The following SNTG1 variants were observed in gnomAD, a reference collection of about 807,000 sequenced individuals.
SNTG1 encodes syntrophin gamma 1, also known as gamma-1-syntrophin.
A neutral mutation model predicts 74.7 loss-of-function variants in SNTG1; 39 were observed. The ratio of observed to expected loss-of-function variants is 0.52; its 90% CI spans 0.40 to 0.68. SNTG1 has a LOEUF of 0.68. Among genes scored for constraint, SNTG1 ranks in the 30% least tolerant of loss-of-function variants. The pLI is 0.00. For missense variants in SNTG1, 685 were observed against 609.5 expected (o/e 1.12, Z -1.30); for synonymous variants, 254 against 217.1 (o/e 1.17, Z -1.49).
intron 2 of SNTG1, among the ~76,000 whole-genome samples, chr8:50,333,834 G>A (rs974250499): frequency 6.6e-6 from 1 of 152,088 alleles, no homozygotes; most frequent in African/African-American, 2.4e-5. Context: ...AATTAAAGAA[G>A]GAATTAAGAC....
intron 15 of SNTG1, among the ~76,000 whole-genome samples, chr8:50,702,073 A>G (rs2095428035): frequency 4.6e-3 from 2 of 438 alleles, no homozygotes; most frequent in South Asian, 0.2. Flanking sequence ...CTGGTCTGGA[A>G]CTCCCCAACC....
chr8:50,659,731 G>T (rs2095207257), intron 15 of SNTG1, among the ~76,000 whole-genome samples: 1 of 151,640 alleles, frequency 6.6e-6, no homozygotes, highest in Non-Finnish European at 1.5e-5. Context: ...TGAGTGTATT[G>T]TTAGTAAAGA....
rs947689214 is a variant in SNTG1, at chr8:50,625,936, A to G, written c.850-30973A>G. Among the ~76,000 whole-genome samples, 17 of 152,188 alleles carry G rather than the reference A, an allele frequency of 1.1e-4. 1 individual carries two copies. The highest frequency in any genetic ancestry group is 1.0e-3 in the Admixed American group (16 of 15,260). ...ACTCCTTTTGGAAGATGGACACCCCATGTGTGCTTTCCTTCCCAGTGAGAC... is the reference window on the plus strand; with the variant it reads ...ACTCCTTTTGGAAGATGGACACCCCGTGTGTGCTTTCCTTCCCAGTGAGAC... On this transcript the variant is annotated intron_variant, in intron 13 of 18. Coordinates refer to ENST00000642720, the MANE Select transcript of SNTG1 (RefSeq NM_018967.5).
rs1823156711 is a variant in SNTG1, at chr8:50,088,691, C to A, written c.-102-83870C>A. On this transcript the variant is annotated intron_variant, in intron 1 of 18. Coordinates refer to ENST00000642720, the MANE Select transcript of SNTG1 (RefSeq NM_018967.5). Reference sequence around the variant, plus strand: ...GAGAATAAAATACCTAGGAATCCAACTTACAAGGGATGTGAAGGACCTCTT... The same window carrying A: ...GAGAATAAAATACCTAGGAATCCAAATTACAAGGGATGTGAAGGACCTCTT... 5.7e-5 allele frequency among the ~76,000 whole-genome samples: 8 copies of A among 139,518 alleles called. No homozygotes were observed. In the South Asian group the frequency reaches 1.6e-3, roughly 28 times the overall value. The allele number at this position is 139,518 out of a possible 152,430, so 91.5% of individuals were successfully genotyped here.
chr8:50,114,813 C>G, intron 1 of SNTG1, among the ~76,000 whole-genome samples: 1 of 151,948 alleles, frequency 6.6e-6, no homozygotes, highest in East Asian at 1.9e-4. Context: ...TGCAATGAGC[C>G]GAGATCGTGC....
intron 8 of SNTG1, among the ~76,000 whole-genome samples, chr8:50,466,728 C>T (rs1290877755): frequency 6.6e-6 from 1 of 151,950 alleles, no homozygotes; most frequent in Non-Finnish European, 1.5e-5. Context: ...TAGTTTTCCA[C>T]ATATAATTCT....
intron 1 of SNTG1, among the ~76,000 whole-genome samples, chr8:49,923,755 A>G (rs948545724): frequency 1.3e-5 from 2 of 152,190 alleles, no homozygotes; most frequent in Non-Finnish European, 2.9e-5. Context: ...TCTTTTTGTA[A>G]AGAATAAAAG....
chr8:50,145,856 A>G (rs1487753485), intron 1 of SNTG1, among the ~76,000 whole-genome samples: 1 of 151,832 alleles, frequency 6.6e-6, no homozygotes, highest in African/African-American at 2.4e-5. Context: ...TGAATAATAA[A>G]ATTCAAATAC....
rs564435957 is a variant in SNTG1 at position 50,375,992 on chromosome 8, C to T, written c.-27-18220C>T. On this transcript the variant is annotated intron_variant, in intron 2 of 18. Transcript: ENST00000642720. ...GGAAAGGCAAATAAATGGTGAAGGC[C>T]GGTTAGTAAAGGTGTTATCTCCAGG... is the stretch of plus-strand genomic sequence containing the variant. 2.6e-5 allele frequency among the ~76,000 whole-genome samples: 4 copies of T among 151,838 alleles called. No homozygotes were observed. In the East Asian group the frequency reaches 7.8e-4, roughly 29 times the overall value.
At chr8:50,730,049 G>A (rs960275515) in intron 17 of SNTG1, among the ~76,000 whole-genome samples, 5 of 152,052 alleles carry the variant, frequency 3.3e-5, no homozygotes, top group African/African-American at 4.8e-5. Context: ...AAAAATGAGA[G>A]CGATTGGGAA....
chr8:50,402,580 A>C (rs1436497065), intron 4 of SNTG1, among the ~76,000 whole-genome samples: 1 of 152,124 alleles, frequency 6.6e-6, no homozygotes. Context: ...CCTAGCTGTC[A>C]TCATATGATG....
intron 17 of SNTG1, among the ~76,000 whole-genome samples, chr8:50,744,963 G>A (rs2095551845): frequency 6.6e-6 from 1 of 151,944 alleles, no homozygotes; most frequent in African/African-American, 2.4e-5. Flanking sequence ...AGAAAGCATA[G>A]GGGAAAAGCT....
intron 1 of SNTG1, among the ~76,000 whole-genome samples, chr8:49,972,664 T>C (rs1811804188): frequency 1.9e-5 from 1 of 51,840 alleles, no homozygotes; most frequent in Non-Finnish European, 3.5e-5. Context: ...TCTAACAAAT[T>C]TACAAGAAAA....
intron 1 of SNTG1, among the ~76,000 whole-genome samples, chr8:50,059,372 G>A (rs760920309): frequency 5.3e-5 from 8 of 152,010 alleles, no homozygotes; most frequent in African/African-American, 7.2e-5. Flanking sequence ...TAACTCACTC[G>A]TTTGAAGCAT....
chr8:50,529,736 C>G (rs896899535), intron 9 of SNTG1, among the ~76,000 whole-genome samples: 38 of 151,990 alleles, frequency 2.5e-4, no homozygotes, highest in African/African-American at 9.2e-4. Flanking sequence ...CCTACAAAAA[C>G]AGAACATGCA....
chr8:50,763,401 C>T (rs1418211390), intron 18 of SNTG1, among the ~76,000 whole-genome samples: 2 of 151,802 alleles, frequency 1.3e-5, no homozygotes, highest in Admixed American at 6.6e-5. Flanking sequence ...AGAGAACATA[C>T]TCTATATGAT....
intron 5 of SNTG1, among the ~76,000 whole-genome samples, chr8:50,446,307 A>T (rs771595191): frequency 1.3e-5 from 2 of 151,926 alleles, no homozygotes; most frequent in South Asian, 4.2e-4. Context: ...CTTAAAATTC[A>T]GTAATTACTG....
chr8:50,455,991 A>T (rs567884353), intron 8 of SNTG1, among the ~76,000 whole-genome samples: 7 of 152,218 alleles, frequency 4.6e-5, no homozygotes, highest in Non-Finnish European at 8.8e-5. Flanking sequence ...TTTAACTTTG[A>T]ATATTTCTCA....
chr8:50,142,197 T>C (rs1586452840), intron 1 of SNTG1, among the ~76,000 whole-genome samples: 2 of 152,232 alleles, frequency 1.3e-5, no homozygotes, highest in Non-Finnish European at 2.9e-5. Flanking sequence ...CCAGAAAACA[T>C]ACATTTCTTA....
Sources: gnomAD v4.1 joint callset for allele counts (sites outside exome capture counted in the v4.1 genomes callset) on GRCh38, gnomAD v4.1.1 for gene constraint, MANE v1.5 for transcripts, NCBI Gene and HGNC (gene_info 2026-07-23, HGNC 2026-07-21) for gene names.